PAK4: variants seen among roughly 807,000 people sequenced by gnomAD.
PAK4 encodes p21 (RAC1) activated kinase 4.
A neutral mutation model predicts 53.5 loss-of-function variants in PAK4; 49 were observed. The observed-to-expected ratio is 0.92, with a 90% CI of 0.73 to 1.16. The LOEUF (loss-of-function observed/expected upper bound fraction) is 1.16. Among genes scored for constraint, PAK4 ranks in the 50% most tolerant of loss-of-function variants. The pLI, the probability that PAK4 is intolerant of heterozygous loss-of-function variation, is 0.00. For missense variants in PAK4, 824 were observed against 850.7 expected (o/e 0.97, Z 0.39); for synonymous variants, 376 against 375.6 (o/e 1.00, Z -0.01).
chr19:39,150,465 C>T (rs549757469), intron 1 of PAK4, among the ~76,000 whole-genome samples: 1 of 152,164 alleles, frequency 6.6e-6, no homozygotes, highest in African/African-American at 2.4e-5. Flanking sequence ...GTCTGTCCCC[C>T]TCTCTCCACT....
At chr19:39,133,487 C>T (rs139491493) in intron 1 of PAK4, among the ~76,000 whole-genome samples, 10 of 152,096 alleles carry the variant, frequency 6.6e-5, no homozygotes, top group Non-Finnish European at 1.0e-4. Flanking sequence ...GACCTGGCCC[C>T]GTCACAGAGC....
chr19:39,127,567 G>A (rs967265602), intron 1 of PAK4, among the ~76,000 whole-genome samples: 4 of 152,164 alleles, frequency 2.6e-5, no homozygotes, highest in South Asian at 2.1e-4. Context: ...GGCCTGCAGA[G>A]GATGTGACAT....
chr19:39,177,556 G>A, intron 7 of PAK4, 119 bp from the exon 9 acceptor site: 1 of 1,128,816 alleles, frequency 8.9e-7, no homozygotes, highest in Non-Finnish European at 1.2e-6. Flanking sequence ...AGGGAGTTCT[G>A]GGCCAAGGAC....
chr19:39,179,777 G>A (rs888045725), downstream of PAK4: 1 of 152,314 alleles, frequency 6.6e-6, no homozygotes, highest in African/African-American at 2.4e-5. Flanking sequence ...TCAGTGGGCA[G>A]ATGGGCTTTT....
At position 39,173,612 on chromosome 19, in the gene PAK4, G is replaced by T. The variant is rs992974470; in HGVS notation, c.700G>T (p.Ala234Ser). Residue 234 changes from alanine (A) to serine (S), a missense_variant, in exon 4 of 9, where the codon GCG becomes TCG. Physicochemically the swap from Ala to Ser is moderately conservative, Grantham distance 99. Around this residue, in one of 2 missense-constraint regions of PAK4, gnomAD observed 478 missense variants for 435.8 expected, o/e 1.10. Transcript: ENST00000358301. The surrounding 1 kb of genome is among the most constrained non-coding windows in gnomAD (Gnocchi z 6.9). ...TGACGTGGCCCCTAACGGGCCATCA[G>T]CGGGGGGCCTGGCCATCCCCCAGTC... The T allele has an allele frequency of 3.3e-6, 5 of 1,534,960 alleles. No individual in the cohort carries two copies. Among genetic ancestry groups the T allele is most frequent in the Non-Finnish European group, 4.4e-6 (5 of 1,143,504 alleles).
chr19:39,177,678 G>A, exon 8 of PAK4: 1 of 1,612,578 alleles, frequency 6.2e-7, no homozygotes, highest in Non-Finnish European at 8.5e-7. Context: ...GCCCCAGGTA[G>A]ACATCTGGTC....
chr19:39,175,505 C>T lies in PAK4; in HGVS notation c.1359+67C>T. On this transcript the variant is annotated intron_variant, in intron 6 of 8. Coordinates refer to ENST00000358301, the Ensembl canonical transcript of PAK4. The surrounding 1 kb of genome is among the most constrained non-coding windows in gnomAD (Gnocchi z 4.7). The stretch of plus-strand genomic sequence containing the variant: ...GGCTGCGGGGCTTCCCTGCCTCTTC[C>T]CATCCCCTGTGAGGGTAGGTGAGCT... 1.3e-6 allele frequency: 2 copies of T among 1,497,534 alleles called. No individual in the cohort carries two copies. Among genetic ancestry groups the T allele is most frequent in the Non-Finnish European group, 9.1e-7 (1 of 1,101,966 alleles). 92.8% of individuals were successfully genotyped at this position (1,497,534 alleles called of 1,614,324 possible).
chr19:39,158,121 G>C (rs1219059773), intron 1 of PAK4, among the ~76,000 whole-genome samples: 1 of 151,232 alleles, frequency 6.6e-6, no homozygotes, highest in Non-Finnish European at 1.5e-5. Context: ...CATTGTGTGA[G>C]TGCGTGCGTG....
In PAK4 at chr19:39,175,307, C is replaced by T. The variant is rs781268973; in HGVS notation, c.1233-5C>T. ...TGGCTGCTCACCCCCCACCCCACCCCGCAGGATGAACGAGGAGCAGATCGC... is the reference window on the plus strand; with the variant it reads ...TGGCTGCTCACCCCCCACCCCACCCTGCAGGATGAACGAGGAGCAGATCGC... On this transcript the variant is annotated splice_polypyrimidine_tract_variant and splice_region_variant and intron_variant, in intron 5 of 8. Coordinates refer to ENST00000358301, the Ensembl canonical transcript of PAK4. This position sits in a 1 kb window ranked among gnomAD's most constrained non-coding sequence, Gnocchi z 4.7. The T allele has an allele frequency of 1.3e-5, 21 of 1,572,092 alleles. No homozygotes were observed. The highest frequency in any genetic ancestry group is 3.8e-5 in the Admixed American group (2 of 53,204).
chr19:39,129,358 G>T (rs960297425), intron 1 of PAK4, among the ~76,000 whole-genome samples: 1 of 152,032 alleles, frequency 6.6e-6, no homozygotes, highest in Non-Finnish European at 1.5e-5. Flanking sequence ...GAGGTGGTCC[G>T]TTGGAGCTAT....
chr19:39,154,284 A>G (rs2145201260), intron 1 of PAK4, among the ~76,000 whole-genome samples: 1 of 152,230 alleles, frequency 6.6e-6, no homozygotes, highest in African/African-American at 2.4e-5. Flanking sequence ...CTCCTGCCAA[A>G]TGCCAGCAGC....
In PAK4 at chr19:39,178,041, G is replaced by A. The variant is rs913106913; in HGVS notation, c.1620+232G>A. ...CTCTGCACCCTCACCATTGCCCTGG[G>A]CCCCACCCAGCCCTAGAGAGATTTG... On this transcript the variant is annotated intron_variant, in intron 8 of 8. Transcript: ENST00000358301. This position sits in a 1 kb window ranked among gnomAD's most constrained non-coding sequence, Gnocchi z 4.4. Among the ~76,000 whole-genome samples the A allele has an allele frequency of 1.3e-5, 2 of 152,134 alleles. No homozygotes were observed. Among genetic ancestry groups the A allele is most frequent in the African/African-American group, 2.4e-5 (1 of 41,416 alleles).
intron 1 of PAK4, among the ~76,000 whole-genome samples, chr19:39,148,354 C>G (rs2074037537): frequency 6.6e-6 from 1 of 151,334 alleles, no homozygotes; most frequent in Admixed American, 6.6e-5. Context: ...CGGACTTTTG[C>G]AGAGCAAAAG....
chr19:39,130,306 AC>A (rs2145095576), intron 1 of PAK4, among the ~76,000 whole-genome samples: 1 of 147,404 alleles, frequency 6.8e-6, no homozygotes, highest in South Asian at 2.1e-4. Context: ...GGATGGGGAA[AC>A]CCAGGCAGAG....
At position 39,151,442 on chromosome 19, in the gene PAK4, C is replaced by T. The variant is rs559659185; in HGVS notation, c.-22-18090C>T. Among the ~76,000 whole-genome samples, 6 of 152,384 alleles carry T rather than the reference C, an allele frequency of 3.9e-5. No homozygotes were observed. The East Asian group carries it at 1.2e-3, about 29-fold the overall frequency. ...AGTGGGGACAGGCCTCACGCAGGGC[C>T]ACTTGGCAGTGGTGAACTTCACTGG... On this transcript the variant is annotated intron_variant, in intron 1 of 8. Coordinates refer to ENST00000358301, the Ensembl canonical transcript of PAK4.
intron 1 of PAK4, among the ~76,000 whole-genome samples, chr19:39,148,231 C>T (rs1043036107): frequency 9.2e-5 from 14 of 151,738 alleles, no homozygotes; most frequent in African/African-American, 3.4e-4. Flanking sequence ...GGATTACAGG[C>T]GTGAGCCACC....
intron 1 of PAK4, among the ~76,000 whole-genome samples, chr19:39,145,937 GA>G (rs1442323640): frequency 1.3e-5 from 2 of 152,184 alleles, no homozygotes; most frequent in Non-Finnish European, 2.9e-5. Flanking sequence ...CTTCTAGCTG[GA>G]CGGCCCTGGG....
intron 1 of PAK4, among the ~76,000 whole-genome samples, chr19:39,151,552 G>A (rs770482567): frequency 9.9e-5 from 15 of 152,206 alleles, no homozygotes; most frequent in Non-Finnish European, 2.1e-4. Flanking sequence ...AAGAGCAAAA[G>A]ACAGGAAACC....
intron 1 of PAK4, among the ~76,000 whole-genome samples, chr19:39,141,456 C>CA (rs2073908347): frequency 6.6e-6 from 1 of 151,200 alleles, no homozygotes; most frequent in South Asian, 2.1e-4. Context: ...GCTGGGACTA[C>CA]AGGCGTGTGC....
Sources: allele counts gnomAD v4.1 joint callset (sites outside exome capture counted in the v4.1 genomes callset), GRCh38; gene constraint gnomAD v4.1.1; regional missense constraint gnomAD v4.1.1; non-coding constraint Gnocchi (gnomAD v3.1); transcripts MANE v1.5; gene names NCBI Gene and HGNC (gene_info 2026-07-23, HGNC 2026-07-21).